The following TXNDC12 variants were observed in gnomAD, a reference collection of about 807,000 sequenced individuals.
TXNDC12 encodes thioredoxin domain-containing protein 12.
Under a neutral mutation model 24.2 loss-of-function variants are expected in TXNDC12, and 22 were observed. The ratio of observed to expected loss-of-function variants is 0.91; its 90% CI spans 0.65 to 1.30. The LOEUF is 1.30. Ranked by LOEUF, TXNDC12 falls within the 50% of genes most tolerant of loss-of-function variation. The probability of loss-of-function intolerance (pLI) is 0.00; values close to 1 mark genes in which losing one functional copy is unlikely to be tolerated. For missense variants in TXNDC12, 184 were observed against 205.8 expected (o/e 0.89, Z 0.65); for synonymous variants, 58 against 73.4 (o/e 0.79, Z 1.07).
At chr1:52,029,588 A>T (rs183466865) in intron 2 of TXNDC12, among the ~76,000 whole-genome samples, 3 of 152,210 alleles carry the variant, frequency 2.0e-5, no homozygotes, top group African/African-American at 7.2e-5. Context: ...TGCACTTAAC[A>T]TATTGATCTG....
chr1:52,033,442 CAGT>C, intron 2 of TXNDC12: 2 of 1,612,988 alleles, frequency 1.2e-6, no homozygotes, highest in Non-Finnish European at 1.7e-6. Context: ...GGGCCGTACG[CAGT>C]AGACCAGGCA....
At chr1:52,039,903 GTTTTTTAT>G (rs1685954491) in intron 2 of TXNDC12, among the ~76,000 whole-genome samples, 1 of 152,008 alleles carries the variant, frequency 6.6e-6, no homozygotes, top group African/African-American at 2.4e-5. Context: ...GTGTGCAGAA[GTTTTTTAT>G]TTTTTTATTT....
In TXNDC12 at chr1:52,039,728, A is replaced by G. The variant is rs373466037; in HGVS notation, c.158+1809T>C. Among the ~76,000 whole-genome samples, 21 of 152,320 alleles carry G rather than the reference A, an allele frequency of 1.4e-4. 1 individual carries two copies. Among genetic ancestry groups the G allele is most frequent in the African/African-American group, 5.1e-4 (21 of 41,574 alleles). ...CACGGCATTTTAAGTGGATACTCAC[A>G]ATACTTGAGTTCACCTCCATAGCAA... On this transcript the variant is annotated intron_variant, in intron 2 of 6. Transcript: ENST00000371626.
chr1:52,024,538 C>T lies in TXNDC12; in HGVS notation c.327G>A (p.Gly109=). The T allele has an allele frequency of 6.2e-7, 1 of 1,613,004 alleles. No homozygotes were observed. The change falls in exon 5 of 7, where the codon GGG becomes GGA. Residue 109 remains glycine, a synonymous_variant. Coordinates refer to ENST00000371626, the MANE Select transcript of TXNDC12 (RefSeq NM_015913.4). ...EPKDEDFSPD[G]GYIPRILFLD... is the part of the protein sequence containing the mutation. Reference sequence around the variant, plus strand: ...GAAAAAGGATTCGTGGAATATAACCCCCGTCAGGGCTGAAATCTTCATCTT... The same window carrying T: ...GAAAAAGGATTCGTGGAATATAACCTCCGTCAGGGCTGAAATCTTCATCTT...
chr1:52,052,104 A>G (rs1686217532), intron 1 of TXNDC12, among the ~76,000 whole-genome samples: 1 of 152,158 alleles, frequency 6.6e-6, no homozygotes, highest in Non-Finnish European at 1.5e-5. Context: ...CTGCCCTTCT[A>G]TGTGCTCCTG....
rs116766142 is a variant in TXNDC12 at position 52,024,691 on chromosome 1, A to G, written c.286-112T>C. On this transcript the variant is annotated intron_variant, in intron 4 of 6. Coordinates refer to ENST00000371626, the MANE Select transcript of TXNDC12 (RefSeq NM_015913.4). ...AAACCCCAAGTCCTTGCAGTGGCCT[A>G]TAAGGCCCTACATGATCTATCACCT... 2,969 of 756,936 alleles carry G rather than the reference A, an allele frequency of 3.9e-3. 51 individuals are homozygous for G. In the African/African-American group the frequency reaches 0.044, roughly 11 times the overall value. The allele number at this position is 756,936 out of a possible 1,614,324, so 46.9% of individuals were successfully genotyped here.
Position 52,020,276 on chromosome 1 carries a change from G to A in TXNDC12, c.*657C>T. On this transcript the variant is annotated 3_prime_UTR_variant, in exon 7 of 7. Coordinates refer to ENST00000371626, the MANE Select transcript of TXNDC12 (RefSeq NM_015913.4). ...TTGAGTTTCTCCAACAGTAACAAGG[G>A]AAAGCATGCTTCCACCTGGAGCCGA... 2.8e-6 allele frequency: 1 copy of A among 360,032 alleles called. No individual in the cohort carries two copies. The allele number at this position is 360,032 out of a possible 1,614,324, so 22.3% of individuals were successfully genotyped here.
upstream of TXNDC12, chr1:52,055,218 T>TC: frequency 1.5e-6 from 1 of 678,682 alleles, no homozygotes; most frequent in Non-Finnish European, 2.6e-6. Flanking sequence ...TTTTTTTTTT[T>TC]CAAACTCTGA....
chr1:52,036,357 TAAAG>T, intron 2 of TXNDC12, among the ~76,000 whole-genome samples: 1 of 152,112 alleles, frequency 6.6e-6, no homozygotes, highest in South Asian at 2.1e-4. Flanking sequence ...AAGAAAATCA[TAAAG>T]AAGCAAAAAT....
At chr1:52,048,861 AAAT>A (rs1451202339) in intron 1 of TXNDC12, among the ~76,000 whole-genome samples, 3 of 150,880 alleles carry the variant, frequency 2.0e-5, no homozygotes, top group Admixed American at 1.3e-4. Flanking sequence ...TGTCTCAAAA[AAAT>A]AATAATTAAT....
At chr1:52,033,227 ATTC>A (rs1382894780) in intron 2 of TXNDC12, 1 of 1,614,000 alleles carries the variant, frequency 6.2e-7, no homozygotes, top group Non-Finnish European at 8.5e-7. Flanking sequence ...GCAGCCCCGG[ATTC>A]TTCTCGCTCC....
At chr1:52,042,040 G>A (rs1321394874) in intron 1 of TXNDC12, among the ~76,000 whole-genome samples, 1 of 152,196 alleles carries the variant, frequency 6.6e-6, no homozygotes, top group East Asian at 1.9e-4. Context: ...ATTCTTGTGA[G>A]TGAAGTAAGC....
chr1:52,038,797 A>G (rs2124379085), intron 2 of TXNDC12, among the ~76,000 whole-genome samples: 1 of 152,084 alleles, frequency 6.6e-6, no homozygotes. Context: ...TAAAAGCTAC[A>G]TATTATGCAC....
chr1:52,033,959 A>G, intron 2 of TXNDC12: 1 of 1,422,470 alleles, frequency 7.0e-7, no homozygotes, highest in South Asian at 1.5e-5. Flanking sequence ...AGAGACTATA[A>G]TGGCATCAGT....
In TXNDC12 at chr1:52,033,704, C is replaced by T. The variant is rs1257102906; in HGVS notation, c.159-5074G>A. 1 of 1,610,952 alleles carries T rather than the reference C, an allele frequency of 6.2e-7. No homozygotes were observed. The highest frequency in any genetic ancestry group is 8.5e-7 in the Non-Finnish European group (1 of 1,179,436). On this transcript the variant is annotated intron_variant, in intron 2 of 6. Transcript: ENST00000371626. ...TCGGCAGCCAGCGCCACGCGCAACT[C>T]TTCAGCACGCCGGCTCTTGCCGCTG... is the stretch of plus-strand genomic sequence containing the variant.
intron 1 of TXNDC12, among the ~76,000 whole-genome samples, chr1:52,047,053 G>C (rs1686109364): frequency 6.6e-6 from 1 of 151,628 alleles, no homozygotes; most frequent in Non-Finnish European, 1.5e-5. Flanking sequence ...TAAAAGAAAA[G>C]AATTTTGCTG....
chr1:52,055,039 G>A lies in TXNDC12; in HGVS notation c.58C>T (p.Leu20Phe), dbSNP rs1207033361. ...TTATGTCCATCAGAAGAGATGACGA[G>A]GAGCAGGAAACTGAAGCCCAGCAAA... ...TCLLGFSFLL[L>F]VISSDGHNGL... The change falls in exon 1 of 7, where the codon CTC (leucine) becomes TTC (phenylalanine). Residue 20 changes from leucine (L) to phenylalanine (F), a missense_variant. Transcript: ENST00000371626. 1.9e-6 allele frequency: 3 copies of A among 1,614,114 alleles called. No homozygotes were observed. Among genetic ancestry groups the A allele is most frequent in the Non-Finnish European group, 2.5e-6 (3 of 1,179,976 alleles).
intron 2 of TXNDC12, chr1:52,032,887 G>C (rs1267164117): frequency 6.2e-7 from 1 of 1,613,420 alleles, no homozygotes; most frequent in Admixed American, 1.7e-5. Context: ...CCCGGGGACA[G>C]CGCTCTTCTG....
intron 2 of TXNDC12, chr1:52,030,222 T>G (rs1685729952): frequency 6.6e-6 from 1 of 151,942 alleles, no homozygotes; most frequent in Admixed American, 6.6e-5. Context: ...AATACAAAAC[T>G]TAGCCGGTCG....
Sources: allele counts gnomAD v4.1 joint callset (sites outside exome capture counted in the v4.1 genomes callset), GRCh38; gene constraint gnomAD v4.1.1; transcripts MANE v1.5; gene names NCBI Gene and HGNC (gene_info 2026-07-23, HGNC 2026-07-21).